Variants in IGDCC3 observed in about 807,000 individuals in gnomAD.
IGDCC3 encodes the protein putative neuronal cell adhesion molecule.
Under a neutral mutation model 72.0 loss-of-function variants are expected in IGDCC3, and 47 were observed. That is an observed-to-expected ratio of 0.65 (90% CI 0.52 to 0.83). The LOEUF is 0.83. Among genes scored for constraint, IGDCC3 ranks in the 40% least tolerant of loss-of-function variants. The pLI, the probability that IGDCC3 is intolerant of heterozygous loss-of-function variation, is 0.00. For synonymous variants in IGDCC3, 477 were observed against 472.8 expected (o/e 1.01, Z -0.11); for missense variants, 1,038 against 1,091.3 (o/e 0.95, Z 0.69).
At chr15:65,356,000 C>T (rs1233368117) in intron 2 of IGDCC3, 8 of 274,388 alleles carry the variant, frequency 2.9e-5, no homozygotes, top group South Asian at 1.6e-4. Context: ...ACACGCGCGG[C>T]CCCCGGACTC....
rs201323718 is a variant in IGDCC3, at chr15:65,328,879, G to A, written c.*30C>T. On this transcript the variant is annotated 3_prime_UTR_variant, in exon 14 of 14. Transcript: ENST00000327987. The stretch of plus-strand genomic sequence containing the variant: ...TTGACCTGAGAATGGGCCCCGCTCC[G>A]TCCACCCTCTGGAGCCTGCCAGACA... 1.3e-5 allele frequency: 19 copies of A among 1,503,488 alleles called. No homozygotes were observed. Among genetic ancestry groups the A allele is most frequent in the African/African-American group, 1.1e-4 (8 of 70,508 alleles). The allele number at this position is 1,503,488 out of a possible 1,614,324, so 93.1% of individuals were successfully genotyped here. A position where few individuals can be genotyped will look rare whatever the true frequency, so the allele number is the denominator to read the frequency against.
chr15:65,344,552 G>A (rs1408582985), intron 2 of IGDCC3, among the ~76,000 whole-genome samples: 1 of 152,236 alleles, frequency 6.6e-6, no homozygotes, highest in African/African-American at 2.4e-5. Flanking sequence ...TGGGAGGTTG[G>A]ATTCCGCTTG....
chr15:65,332,598 G>A (rs138464693), intron 6 of IGDCC3, among the ~76,000 whole-genome samples: 40 of 152,324 alleles, frequency 2.6e-4, no homozygotes, highest in African/African-American at 9.6e-4. Flanking sequence ...CATTTGGACA[G>A]GTTAACGGCA....
Position 65,335,337 on chromosome 15 carries a change from G to A in IGDCC3, c.639C>T (p.Asn213=). The A allele has an allele frequency of 6.2e-7, 1 of 1,613,822 alleles. No homozygotes were observed. The highest frequency in any genetic ancestry group is 8.5e-7 in the Non-Finnish European group (1 of 1,179,854). The change falls in exon 4 of 14, where the codon AAC becomes AAT. Residue 213 remains asparagine, a synonymous_variant. Transcript: ENST00000327987. ...CGTGGCTGATCCGGATACTGGCGAT[G>A]TTTGAGGCCACACAGTGGAAGATGC... The part of the protein sequence containing the change: ...DGGIFHCVAS[N]IASIRISHGA...
intron 2 of IGDCC3, among the ~76,000 whole-genome samples, chr15:65,354,668 T>TG (rs555941525): frequency 6.0e-4 from 91 of 152,198 alleles, no homozygotes; most frequent in Non-Finnish European, 1.2e-3. Context: ...CCTCATAAAC[T>TG]GTTCCCTGAA....
At chr15:65,334,644 G>A in intron 5 of IGDCC3, 84 bp downstream of exon 5, 1 of 1,206,640 alleles carries the variant, frequency 8.3e-7, no homozygotes, top group Non-Finnish European at 1.1e-6. Context: ...ACATTCCCCT[G>A]GAGCTGGGTG....
At chr15:65,360,116 A>G (rs1196936010) in intron 2 of IGDCC3, among the ~76,000 whole-genome samples, 2 of 152,244 alleles carry the variant, frequency 1.3e-5, no homozygotes, top group Non-Finnish European at 1.5e-5. Context: ...CTATTCCAGC[A>G]TGAACCCTGT....
chr15:65,331,794 G>T, intron 7 of IGDCC3, 135 bp from the exon 8 acceptor site: 1 of 1,379,964 alleles, frequency 7.2e-7, no homozygotes, highest in Non-Finnish European at 9.8e-7. Flanking sequence ...AGTTGGTGGT[G>T]GAACTGGGAC....
rs565712 is a variant in IGDCC3 at position 65,330,817 on chromosome 15, G to A, written c.1562-76C>T. 1.7e-3 allele frequency: 2,229 copies of A among 1,317,160 alleles called. 31 individuals are homozygous for A. In the African/African-American group the frequency reaches 0.029, roughly 17 times the overall value. The allele number at this position is 1,317,160 out of a possible 1,614,324, so 81.6% of individuals were successfully genotyped here. On this transcript the variant is annotated intron_variant, in intron 9 of 13. Coordinates refer to ENST00000327987, the MANE Select transcript of IGDCC3 (RefSeq NM_004884.4). ...CTTTCTACCTTCCACCTGTGACCCC[G>A]ACCCCCAAAAGCCTGACAGCCCTCT...
At chr15:65,344,267 G>A (rs2091107091) in intron 2 of IGDCC3, among the ~76,000 whole-genome samples, 1 of 152,056 alleles carries the variant, frequency 6.6e-6, no homozygotes. Flanking sequence ...GACCCATCTG[G>A]GACTTTGCCT....
intron 3 of IGDCC3, 125 bp downstream of exon 3, chr15:65,335,687 C>G: frequency 8.8e-7 from 1 of 1,135,942 alleles, no homozygotes; most frequent in Non-Finnish European, 1.3e-6. Context: ...GTTGCAGAAA[C>G]ACCACTATCT....
Position 65,331,595 on chromosome 15 carries a change from T to C in IGDCC3, c.1213A>G (p.Ser405Gly). The C allele has an allele frequency of 1.2e-6, 2 of 1,613,618 alleles. No homozygotes were observed. The highest frequency in any genetic ancestry group is 1.1e-5 in the South Asian group (1 of 90,996). ...GCACTGGCCTGTGATGAGCCCGCAC[T>C]GTTCTCGGCCACACACTGATAAATG... ...EAIYQCVAEN[S>G]AGSSQASARL... Residue 405 changes from serine (S) to glycine (G), a missense_variant, in exon 8 of 14, where the codon AGT becomes GGT. By Grantham distance (56) the Ser-to-Gly change is moderately conservative. Transcript: ENST00000327987.
rs2090971112 is a variant in IGDCC3, at chr15:65,330,880, C to T, written c.1562-139G>A. On this transcript the variant is annotated intron_variant, in intron 9 of 13. Transcript: ENST00000327987. ...AGGGCATGTGCTTATGAAAGCAGCA[C>T]CTTCCTAGGAATTAGAAAAAGAAGC... 3.7e-6 allele frequency: 4 copies of T among 1,081,596 alleles called. No homozygotes were observed. In the East Asian group the frequency reaches 1.0e-4, roughly 28 times the overall value. 67.0% of individuals were successfully genotyped at this position (1,081,596 alleles called of 1,614,324 possible). A position where few individuals can be genotyped will look rare whatever the true frequency, so the allele number is the denominator to read the frequency against.
chr15:65,336,015 A>C, intron 2 of IGDCC3, 59 bp from the exon 3 acceptor site: 1 of 1,576,498 alleles, frequency 6.3e-7, no homozygotes, highest in Non-Finnish European at 8.7e-7. Flanking sequence ...GTAGGAGAGA[A>C]TGGGCTGCAG....
At chr15:65,369,377 C>T (rs1280286234) in intron 2 of IGDCC3, among the ~76,000 whole-genome samples, 2 of 152,178 alleles carry the variant, frequency 1.3e-5, no homozygotes, top group Non-Finnish European at 2.9e-5. Flanking sequence ...CCCTGGTGTC[C>T]AGACAAGGGC....
chr15:65,329,020 G>A lies in IGDCC3; in HGVS notation c.2334C>T (p.Gly778=), dbSNP rs769065358. The change falls in exon 14 of 14, where the codon GGC becomes GGT. Residue 778 remains glycine (G), a synonymous_variant. Transcript: ENST00000327987. The surrounding 1 kb of genome is among the most constrained non-coding windows in gnomAD (Gnocchi z 4.1). ...CTGGGGGTGGTGGGGCAGCCGCCAG[G>A]CCGGCGCAGGGAGCCGTGGCCTCTG... ...KTTEATAPCA[G]LAAAPPPPDG... The A allele has an allele frequency of 3.1e-6, 5 of 1,612,346 alleles. No homozygotes were observed. In the Admixed American group the frequency reaches 8.4e-5, roughly 27 times the overall value.
At chr15:65,338,735 C>T (rs1052801035) in intron 2 of IGDCC3, among the ~76,000 whole-genome samples, 6 of 152,164 alleles carry the variant, frequency 3.9e-5, no homozygotes, top group African/African-American at 1.4e-4. Flanking sequence ...AGCATCCTCT[C>T]AGCCACAAAT....
Position 65,328,923 on chromosome 15 carries a change from G to A in IGDCC3, c.2431C>T (p.His811Tyr). ...PAAARVTQPAHSEQ is the reference protein window; with the variant it reads ...PAAARVTQPAYSEQ ...CCAGACACTGGCTACTGTTCCGAGTGAGCTGGCTGGGTAACCCGGGCCGCT... is the reference window on the plus strand; with the variant it reads ...CCAGACACTGGCTACTGTTCCGAGTAAGCTGGCTGGGTAACCCGGGCCGCT... Residue 811 changes from histidine to tyrosine, a missense_variant, in exon 14 of 14, where the codon CAC becomes TAC. By Grantham distance (83) the His-to-Tyr change is moderately conservative. Transcript: ENST00000327987. 10 of 1,546,608 alleles carry A rather than the reference G, an allele frequency of 6.5e-6. No homozygotes were observed. Among genetic ancestry groups the A allele is most frequent in the Non-Finnish European group, 8.7e-6 (10 of 1,150,186 alleles).
intron 11 of IGDCC3, 72 bp downstream of exon 11, chr15:65,330,221 A>G: frequency 9.1e-7 from 1 of 1,094,070 alleles, no homozygotes; most frequent in Non-Finnish European, 1.4e-6. Context: ...CAAGCGTGGC[A>G]CATGCTATCT....
Sources: gnomAD v4.1 joint callset for allele counts (sites outside exome capture counted in the v4.1 genomes callset) on GRCh38, gnomAD v4.1.1 for gene constraint, Gnocchi (gnomAD v3.1) non-coding constraint, MANE v1.5 for transcripts, NCBI Gene and HGNC (gene_info 2026-07-23, HGNC 2026-07-21) for gene names.